The following WWP1 variants were observed in gnomAD, a reference collection of about 807,000 sequenced individuals.
WWP1 encodes WW domain containing E3 ubiquitin protein ligase 1, also known as NEDD4-like E3 ubiquitin-protein ligase WWP1.
Under a neutral mutation model 130.6 loss-of-function variants are expected in WWP1, and 49 were observed. The ratio of observed to expected loss-of-function variants is 0.38; its 90% CI spans 0.30 to 0.48. The LOEUF is 0.48. Among genes scored for constraint, WWP1 ranks in the 20% least tolerant of loss-of-function variants. The probability of loss-of-function intolerance (pLI) is 0.99; values close to 1 mark genes in which losing one functional copy is unlikely to be tolerated. For missense variants in WWP1, 809 were observed against 1,100.6 expected, an observed-to-expected ratio of 0.74 and a Z score of 3.75; for synonymous variants, 332 against 367.8, an observed-to-expected ratio of 0.90 and a Z score of 1.11.
At chr8:86,446,128 C>T (rs1051292841) in intron 18 of WWP1, among the ~76,000 whole-genome samples, 5 of 151,620 alleles carry the variant, frequency 3.3e-5, no homozygotes, top group East Asian at 1.9e-4. Flanking sequence ...ACCACAGGCA[C>T]GCACCACCAC....
intron 16 of WWP1, 46 bp from the exon 17 acceptor site, chr8:86,438,539 G>A (rs377149952): frequency 2.9e-6 from 4 of 1,401,662 alleles, no homozygotes; most frequent in East Asian, 4.6e-5. Context: ...AAAGGAACTT[G>A]TACTGCATGT....
intron 5 of WWP1, among the ~76,000 whole-genome samples, chr8:86,382,426 T>A (rs1033509234): frequency 2.6e-5 from 4 of 151,936 alleles, no homozygotes; most frequent in African/African-American, 9.7e-5. Context: ...TAGCTGGGGG[T>A]GGTGGCTCAT....
intron 8 of WWP1, among the ~76,000 whole-genome samples, chr8:86,403,530 A>T: frequency 6.6e-6 from 1 of 152,044 alleles, no homozygotes; most frequent in East Asian, 1.9e-4. Context: ...CCTGACTTCA[A>T]GTGATCCACC....
intron 3 of WWP1, among the ~76,000 whole-genome samples, chr8:86,376,707 CT>C (rs2130334469): frequency 6.6e-6 from 1 of 152,196 alleles, no homozygotes; most frequent in East Asian, 1.9e-4. Context: ...CCAAGGCAGT[CT>C]AAGTAGCCAA....
Position 86,425,582 on chromosome 8 carries a change from GGAAA to G in WWP1, c.1157+270_1157+273del, listed in dbSNP as rs531181345. 3.9e-5 allele frequency among the ~76,000 whole-genome samples: 6 copies of G among 152,140 alleles called. No individual in the cohort carries two copies. The East Asian group carries it at 7.7e-4, about 20-fold the overall frequency. On this transcript the variant is annotated intron_variant, in intron 10 of 24. Transcript: ENST00000517970. ...CAGTCCTTCTTTGTAATTTTTTTAA[GGAAA>G]GAAAGGTAGTATTTAGGACAGTTTA...
intron 21 of WWP1, among the ~76,000 whole-genome samples, chr8:86,453,823 T>G (rs1159348492): frequency 6.6e-6 from 1 of 152,152 alleles, no homozygotes; most frequent in Non-Finnish European, 1.5e-5. Context: ...ATCAAGAATT[T>G]TCTAAAGCTT....
chr8:86,459,029 T>C (rs1425826766), intron 22 of WWP1, among the ~76,000 whole-genome samples: 4 of 118,638 alleles, frequency 3.4e-5, no homozygotes, highest in East Asian at 4.2e-4. Flanking sequence ...TTTTCTTTTT[T>C]TTTTTTTTTT....
At chr8:86,379,660 A>G (rs1176781575) in intron 3 of WWP1, among the ~76,000 whole-genome samples, 1 of 152,170 alleles carries the variant, frequency 6.6e-6, no homozygotes, top group Non-Finnish European at 1.5e-5. Context: ...GGAAGGGGTT[A>G]TGATTAACTT....
chr8:86,427,279 G>A (rs1433049198), intron 10 of WWP1, among the ~76,000 whole-genome samples: 5 of 152,064 alleles, frequency 3.3e-5, no homozygotes, highest in East Asian at 1.9e-4. Context: ...TTCCCTCCCC[G>A]TAAGGGGCTT....
chr8:86,428,137 T>C (rs780983666), intron 11 of WWP1, among the ~76,000 whole-genome samples: 3 of 152,234 alleles, frequency 2.0e-5, no homozygotes, highest in Non-Finnish European at 4.4e-5. Flanking sequence ...TCCACTTTTA[T>C]AAATTTTGTT....
intron 12 of WWP1, 84 bp downstream of exon 12, chr8:86,430,835 T>A (rs1809913689): frequency 2.5e-6 from 1 of 407,912 alleles, no homozygotes; most frequent in Admixed American, 6.7e-5. Context: ...ATATATATGT[T>A]CCTTATTTTA....
At chr8:86,400,280 TGA>T (rs1807899080) in intron 7 of WWP1, among the ~76,000 whole-genome samples, 1 of 150,514 alleles carries the variant, frequency 6.6e-6, no homozygotes, top group Admixed American at 6.7e-5. Context: ...TGCAGTGAGC[TGA>T]GATCGCGCCA....
At chr8:86,431,521 T>A in intron 13 of WWP1, 31 bp downstream of exon 13, 1 of 1,611,678 alleles carries the variant, frequency 6.2e-7, no homozygotes, top group Non-Finnish European at 8.5e-7. Flanking sequence ...TAAGTCGTCT[T>A]GCATATATCA....
intron 6 of WWP1, 30 bp downstream of exon 6, chr8:86,398,509 T>G: frequency 6.2e-7 from 1 of 1,608,926 alleles, no homozygotes; most frequent in South Asian, 1.1e-5. Flanking sequence ...TTGTAAAATT[T>G]CAAGGAAAAA....
intron 2 of WWP1, among the ~76,000 whole-genome samples, chr8:86,371,972 A>G (rs1306989991): frequency 6.8e-6 from 1 of 146,430 alleles, no homozygotes; most frequent in African/African-American, 2.6e-5. Flanking sequence ...CGTCCTGAGT[A>G]GCTGAGACTG....
intron 1 of WWP1, among the ~76,000 whole-genome samples, chr8:86,364,654 A>T (rs1481513097): frequency 6.6e-6 from 1 of 152,102 alleles, no homozygotes; most frequent in Non-Finnish European, 1.5e-5. Flanking sequence ...ACAAACAAAG[A>T]AATTAACCAG....
At chr8:86,399,636 T>C (rs904015469) in intron 7 of WWP1, among the ~76,000 whole-genome samples, 1 of 152,208 alleles carries the variant, frequency 6.6e-6, no homozygotes, top group Admixed American at 6.5e-5. Context: ...CTTAAGTACA[T>C]ATATTTAATG....
At chr8:86,440,045 C>T (rs763135223) in intron 17 of WWP1, among the ~76,000 whole-genome samples, 11 of 152,112 alleles carry the variant, frequency 7.2e-5, no homozygotes, top group East Asian at 5.8e-4. Context: ...TTTCCAGAAA[C>T]GAAACACTGC....
chr8:86,419,586 GC>G (rs1358662886), intron 9 of WWP1, among the ~76,000 whole-genome samples: 2 of 152,168 alleles, frequency 1.3e-5, no homozygotes, highest in Admixed American at 6.6e-5. Context: ...AAAGAAATTT[GC>G]CAGACAGTAA....
Sources: gnomAD v4.1 joint callset for allele counts (sites outside exome capture counted in the v4.1 genomes callset) on GRCh38, gnomAD v4.1.1 for gene constraint, MANE v1.5 for transcripts, NCBI Gene and HGNC (gene_info 2026-07-23, HGNC 2026-07-21) for gene names.